Variants in LINGO2 observed in about 807,000 individuals in gnomAD.
LINGO2 encodes the protein leucine rich repeat and Ig domain containing 2.
A neutral mutation model predicts 30.6 loss-of-function variants in LINGO2; 14 were observed. The ratio of observed to expected loss-of-function variants is 0.46; its 90% CI spans 0.30 to 0.72. The LOEUF (loss-of-function observed/expected upper bound fraction) is 0.72. LINGO2 is among the 30% of genes least tolerant of loss of function. LINGO2 has a pLI of 0.07. For synonymous variants in LINGO2, 317 were observed against 288.5 expected, an observed-to-expected ratio of 1.10 and a Z score of -1.00; for missense variants, 729 against 751.7, an observed-to-expected ratio of 0.97 and a Z score of 0.35.
the LINGO2 span, among the ~76,000 whole-genome samples, chr9:28,756,377 G>C: frequency 6.6e-6 from 1 of 151,950 alleles, no homozygotes; most frequent in Non-Finnish European, 1.5e-5. Flanking sequence ...ACCTGCTTTT[G>C]ATTTTACAGG....
In LINGO2 at chr9:28,242,538, GA is replaced by G. The variant is rs1348613639; in HGVS notation, c.-87+52669del. 2.0e-5 allele frequency among the ~76,000 whole-genome samples: 3 copies of G among 152,284 alleles called. No homozygotes were observed. The East Asian group carries it at 5.8e-4, about 29-fold the overall frequency. ...GAGACAGGGTGAATGGATTCAAGTTGAAAAACACACTTCAGGATATTATCCA... is the reference window on the plus strand; with the variant it reads ...GAGACAGGGTGAATGGATTCAAGTTGAAAACACACTTCAGGATATTATCCA... On this transcript the variant is annotated intron_variant, in intron 4 of 5. Transcript: ENST00000379992.
intron 4 of LINGO2, among the ~76,000 whole-genome samples, chr9:28,189,193 A>G (rs1819655076): frequency 6.6e-6 from 1 of 150,772 alleles, no homozygotes; most frequent in Non-Finnish European, 1.5e-5. Context: ...CAGAGCAGTG[A>G]TCTTTTTTTT....
At chr9:28,561,519 T>C (rs1408659552) in intron 1 of LINGO2, among the ~76,000 whole-genome samples, 2 of 148,858 alleles carry the variant, frequency 1.3e-5, no homozygotes, top group Non-Finnish European at 3.0e-5. Context: ...ATTTTAAATA[T>C]TTTATATCTA....
chr9:28,984,837 C>A, the LINGO2 span, among the ~76,000 whole-genome samples: 1 of 151,996 alleles, frequency 6.6e-6, no homozygotes, highest in Non-Finnish European at 1.5e-5. Flanking sequence ...TTTACATACC[C>A]ATCACTTCAA....
At chr9:28,419,586 A>C (rs1823105609) in intron 2 of LINGO2, among the ~76,000 whole-genome samples, 1 of 142,494 alleles carries the variant, frequency 7.0e-6, no homozygotes, top group Admixed American at 7.1e-5. Context: ...AGAACAAAGA[A>C]ACAAATGTGG....
chr9:28,767,853 T>A, the LINGO2 span, among the ~76,000 whole-genome samples: 1 of 149,934 alleles, frequency 6.7e-6, no homozygotes, highest in Non-Finnish European at 1.5e-5. Flanking sequence ...TTCTCCTCCA[T>A]CTCTTTCTTT....
At chr9:28,641,349 AG>A (rs1406762505) in intron 1 of LINGO2, among the ~76,000 whole-genome samples, 1 of 152,068 alleles carries the variant, frequency 6.6e-6, no homozygotes, top group African/African-American at 2.4e-5. Flanking sequence ...GAGGTTTTAA[AG>A]AAGTATCCTC....
chr9:28,405,696 G>A (rs922238306), intron 2 of LINGO2, among the ~76,000 whole-genome samples: 2 of 152,134 alleles, frequency 1.3e-5, no homozygotes, highest in Admixed American at 6.6e-5. Context: ...GGTTTTAGAA[G>A]TGGTTGTTTT....
rs1359109446 is a variant in LINGO2 at position 28,632,875 on chromosome 9, TATATGTAGAG to T, written c.-365+37315_-365+37324del. Among the ~76,000 whole-genome samples, 231 of 96,662 alleles carry T rather than the reference TATATGTAGAG, an allele frequency of 2.4e-3. 6 individuals are homozygous for T. Among genetic ancestry groups the T allele is most frequent in the African/African-American group, 7.8e-3 (183 of 23,454 alleles). The allele number at this position is 96,662 out of a possible 152,430, so 63.4% of individuals were successfully genotyped here. On this transcript the variant is annotated intron_variant, in intron 1 of 5. Transcript: ENST00000379992. ...TATTTTTTATATATATATATATATA[TATATGTAGAG>T]AGAGAGAGAGAGAGAGAGAGAGAGA... is the stretch of plus-strand genomic sequence containing the variant.
the LINGO2 span, among the ~76,000 whole-genome samples, chr9:29,139,996 T>A: frequency 6.6e-6 from 1 of 152,004 alleles, no homozygotes; most frequent in Admixed American, 6.6e-5. Flanking sequence ...AAATCTCTAT[T>A]GAAATTTACA....
intron 4 of LINGO2, among the ~76,000 whole-genome samples, chr9:28,110,088 C>A (rs1563980648): frequency 6.6e-6 from 1 of 152,090 alleles, no homozygotes; most frequent in Non-Finnish European, 1.5e-5. Flanking sequence ...AGAAATAACA[C>A]CACACATCTA....
intron 5 of LINGO2, among the ~76,000 whole-genome samples, chr9:28,000,116 C>A (rs907944950): frequency 1.3e-5 from 2 of 152,130 alleles, no homozygotes. Context: ...AGACTAGACA[C>A]GAGTGAAGCA....
the LINGO2 span, among the ~76,000 whole-genome samples, chr9:28,965,012 G>T: frequency 6.6e-6 from 1 of 151,670 alleles, no homozygotes; most frequent in Non-Finnish European, 1.5e-5. Flanking sequence ...GAAGATAAGA[G>T]AATAATCTTA....
chr9:28,433,500 A>G (rs1341771686), intron 2 of LINGO2, among the ~76,000 whole-genome samples: 1 of 152,188 alleles, frequency 6.6e-6, no homozygotes, highest in Non-Finnish European at 1.5e-5. Context: ...GCTGATGGAA[A>G]GGAAAAAAAC....
intron 2 of LINGO2, among the ~76,000 whole-genome samples, chr9:28,445,617 C>T (rs1314043788): frequency 6.6e-6 from 1 of 152,096 alleles, no homozygotes; most frequent in Non-Finnish European, 1.5e-5. Flanking sequence ...ATAATGTGTA[C>T]AGTGTCCATA....
At chr9:28,731,769 T>C in the LINGO2 span, among the ~76,000 whole-genome samples, 20 of 152,168 alleles carry the variant, frequency 1.3e-4, no homozygotes, top group African/African-American at 4.6e-4. Flanking sequence ...ATCTGGAAAA[T>C]ATTGGTGAAT....
chr9:28,176,212 T>C (rs575639634), intron 4 of LINGO2, among the ~76,000 whole-genome samples: 3 of 152,326 alleles, frequency 2.0e-5, no homozygotes, highest in African/African-American at 2.4e-5. Flanking sequence ...TTCTTTTATA[T>C]TGATGCTCAC....
chr9:28,444,846 T>C (rs1233997518), intron 2 of LINGO2, among the ~76,000 whole-genome samples: 2 of 152,208 alleles, frequency 1.3e-5, no homozygotes, highest in Non-Finnish European at 2.9e-5. Flanking sequence ...ACTCTGCACC[T>C]GGCTCAGCCT....
intron 4 of LINGO2, among the ~76,000 whole-genome samples, chr9:28,109,505 C>A (rs778410647): frequency 6.6e-6 from 1 of 152,116 alleles, no homozygotes; most frequent in Non-Finnish European, 1.5e-5. Flanking sequence ...CTAATCCACT[C>A]ACCCCCAAAA....
Sources: allele counts gnomAD v4.1 joint callset (sites outside exome capture counted in the v4.1 genomes callset), GRCh38; gene constraint gnomAD v4.1.1; transcripts MANE v1.5; gene names NCBI Gene and HGNC (gene_info 2026-07-23, HGNC 2026-07-21).